Variants in AHCY observed in about 807,000 individuals in gnomAD.
AHCY encodes the protein adenosylhomocysteinase.
Under a neutral mutation model 45.4 loss-of-function variants are expected in AHCY, and 24 were observed. The ratio of observed to expected loss-of-function variants is 0.53; its 90% CI spans 0.38 to 0.74. The LOEUF (loss-of-function observed/expected upper bound fraction) is 0.74. Ranked by LOEUF, AHCY falls within the 30% of genes least tolerant of loss-of-function variation. The pLI, the probability that AHCY is intolerant of heterozygous loss-of-function variation, is 0.00. For missense variants in AHCY, 449 were observed against 594.1 expected (o/e 0.76, Z 2.54); for synonymous variants, 245 against 235.1 (o/e 1.04, Z -0.39).
the AHCY span, chr20:34,246,185 AT>A: frequency 5.9e-6 from 7 of 1,189,180 alleles, no homozygotes; most frequent in African/African-American, 4.7e-5. Flanking sequence ...TGCTCTAGGA[AT>A]TTTGGCCTTA....
chr20:34,284,866 T>C (rs771271304), intron 9 of AHCY, among the ~76,000 whole-genome samples: 1 of 152,188 alleles, frequency 6.6e-6, no homozygotes, highest in Non-Finnish European at 1.5e-5. Flanking sequence ...GTTGCCTGTA[T>C]TTGAAAATCA....
At chr20:34,233,398 C>T in the AHCY span, among the ~76,000 whole-genome samples, 4 of 152,026 alleles carry the variant, frequency 2.6e-5, no homozygotes, top group African/African-American at 4.8e-5. Context: ...CTGCCCACCT[C>T]GGCCTCCCAC....
intron 5 of AHCY, 152 bp from the exon 6 acceptor site, chr20:34,291,090 C>T: frequency 4.1e-6 from 3 of 728,278 alleles, no homozygotes; most frequent in Non-Finnish European, 6.9e-6. Context: ...AATGCCCCCA[C>T]AAGCCCTTCA....
chr20:34,254,442 A>T, the AHCY span, among the ~76,000 whole-genome samples: 1 of 152,238 alleles, frequency 6.6e-6, no homozygotes, highest in African/African-American at 2.4e-5. Flanking sequence ...GTACAGATCC[A>T]AAAACGTTTA....
chr20:34,293,661 G>A, intron 3 of AHCY: 1 of 344,742 alleles, frequency 2.9e-6, no homozygotes, highest in Non-Finnish European at 5.7e-6. Context: ...GCAGACATGT[G>A]CCCAGCCTGT....
intron 3 of AHCY, 32 bp from the exon 4 acceptor site, chr20:34,292,539 C>A (rs1488727190): frequency 6.2e-7 from 1 of 1,613,514 alleles, no homozygotes; most frequent in South Asian, 1.1e-5. Flanking sequence ...AGGGCCTGGA[C>A]TTCCCAACTG....
chr20:34,290,293 C>T lies in AHCY; in HGVS notation c.972+39G>A. ...TGGCAGCCAGCACTCCTCTGCACTC[C>T]CATCTGCCCAGCCCACTGGCAAGGC... On this transcript the variant is annotated intron_variant, in intron 8 of 9. Coordinates refer to ENST00000217426, the MANE Select transcript of AHCY (RefSeq NM_000687.4). This position sits in a 1 kb window ranked among gnomAD's most constrained non-coding sequence, Gnocchi z 4.5. 1 of 1,595,356 alleles carries T rather than the reference C, an allele frequency of 6.3e-7. No homozygotes were observed. Among genetic ancestry groups the T allele is most frequent in the Non-Finnish European group, 8.6e-7 (1 of 1,164,918 alleles).
At position 34,302,549 on chromosome 20, in the gene AHCY, A is replaced by AGCTAGAAGGCAGCTTC. The variant is rs1279954132; in HGVS notation, c.28+693_28+694insGAAGCTGCCTTCTAGC. The AGCTAGAAGGCAGCTTC allele has an allele frequency of 3.3e-6, 3 of 921,100 alleles. No homozygotes were observed. In the East Asian group the frequency reaches 3.5e-4, roughly 108 times the overall value. 57.1% of individuals were successfully genotyped at this position (921,100 alleles called of 1,614,324 possible). On this transcript the variant is annotated intron_variant, in intron 1 of 9. Coordinates refer to ENST00000217426, the MANE Select transcript of AHCY (RefSeq NM_000687.4). ...TTCCCTATAGAGCCATGAGACTAGA[A>AGCTAGAAGGCAGCTTC]TAAAGCTAGAAGGCAGTGCCGATCC...
At chr20:34,272,829 A>C in the AHCY span, among the ~76,000 whole-genome samples, 1,676 of 152,300 alleles carry the variant, frequency 0.011, 33 homozygotes, top group African/African-American at 0.039. Context: ...GGCTGCAGTG[A>C]TTCATGATCA....
chr20:34,305,332 A>AAAAAAT (rs2036884509), upstream of AHCY, among the ~76,000 whole-genome samples: 1 of 151,952 alleles, frequency 6.6e-6, no homozygotes, highest in Non-Finnish European at 1.5e-5. Flanking sequence ...CTCAAAAAAT[A>AAAAAAT]AAAAATAAAA....
At chr20:34,235,874 G>GAAGGAAGGAAGGAAGGA in the AHCY span, among the ~76,000 whole-genome samples, 1 of 73,466 alleles carries the variant, frequency 1.4e-5, no homozygotes, top group East Asian at 6.2e-4. Context: ...GGAAAGGAAG[G>GAAGGAAGGAAGGAAGGA]AAGGAAGGAA....
intron 1 of AHCY, 186 bp downstream of exon 1, chr20:34,303,057 C>A: frequency 1.0e-6 from 1 of 985,442 alleles, no homozygotes; most frequent in Non-Finnish European, 1.2e-6. Context: ...CACGGCCACC[C>A]GGAACGGCCC....
chr20:34,285,406 T>C, intron 9 of AHCY, 34 bp downstream of exon 9: 1 of 1,611,960 alleles, frequency 6.2e-7, no homozygotes, highest in Non-Finnish European at 8.5e-7. Context: ...ATTAGACACG[T>C]GACCCTTGGC....
the AHCY span, among the ~76,000 whole-genome samples, chr20:34,265,256 CT>C: frequency 7.2e-5 from 11 of 152,294 alleles, no homozygotes; most frequent in African/African-American, 2.6e-4. Context: ...GGCACGGTGG[CT>C]CACACCTATA....
the AHCY span, among the ~76,000 whole-genome samples, chr20:34,244,069 C>G: frequency 6.6e-6 from 1 of 151,988 alleles, no homozygotes; most frequent in African/African-American, 2.4e-5. Context: ...CATCTCAAAA[C>G]AAACAAACAA....
chr20:34,259,382 G>A, the AHCY span, among the ~76,000 whole-genome samples: 1 of 151,566 alleles, frequency 6.6e-6, no homozygotes, highest in Non-Finnish European at 1.5e-5. Flanking sequence ...GTGTGGTGGT[G>A]GGCACCTGTA....
chr20:34,281,837 T>C (rs181395333), intron 9 of AHCY: 1 of 159,054 alleles, frequency 6.3e-6, no homozygotes, highest in Non-Finnish European at 1.4e-5. Context: ...TCCAGCTAAC[T>C]TTCTGTTTTT....
chr20:34,265,963 C>T, the AHCY span, among the ~76,000 whole-genome samples: 4 of 151,630 alleles, frequency 2.6e-5, no homozygotes, highest in Non-Finnish European at 5.9e-5. Context: ...AAAACAAAAG[C>T]GGAGGGGGGG....
the AHCY span, among the ~76,000 whole-genome samples, chr20:34,267,459 CAA>C: frequency 6.5e-5 from 3 of 46,276 alleles, no homozygotes; most frequent in African/African-American, 7.3e-5. Context: ...AACTGGCTCT[CAA>C]AAAAAAAAAA....
Sources: allele counts gnomAD v4.1 joint callset (sites outside exome capture counted in the v4.1 genomes callset), GRCh38; gene constraint gnomAD v4.1.1; non-coding constraint Gnocchi (gnomAD v3.1); transcripts MANE v1.5; gene names NCBI Gene and HGNC (gene_info 2026-07-23, HGNC 2026-07-21).